GALNT18: variants seen among roughly 807,000 people sequenced by gnomAD.
GALNT18 encodes GalNAc-transferase 18.
A neutral mutation model predicts 69.5 loss-of-function variants in GALNT18; 44 were observed. The observed-to-expected ratio is 0.63, with a 90% CI of 0.50 to 0.81. The LOEUF (loss-of-function observed/expected upper bound fraction) is 0.81. GALNT18 is among the 40% of genes least tolerant of loss of function. The probability of loss-of-function intolerance (pLI) is 0.00; values close to 1 mark genes in which losing one functional copy is unlikely to be tolerated. For missense variants in GALNT18, 715 were observed against 810.0 expected, an observed-to-expected ratio of 0.88 and a Z score of 1.42; for synonymous variants, 364 against 318.2, an observed-to-expected ratio of 1.14 and a Z score of -1.53.
At chr11:11,508,938 C>T (rs923613964) in intron 1 of GALNT18, among the ~76,000 whole-genome samples, 1 of 152,180 alleles carries the variant, frequency 6.6e-6, no homozygotes, top group Non-Finnish European at 1.5e-5. Context: ...TCTTTGATGG[C>T]TCCCAAGAAC....
chr11:11,352,827 G>T, intron 6 of GALNT18: 1 of 1,614,198 alleles, frequency 6.2e-7, no homozygotes, highest in Non-Finnish European at 8.5e-7. Flanking sequence ...TACAATGTCT[G>T]CCAGTGTGAT....
intron 1 of GALNT18, among the ~76,000 whole-genome samples, chr11:11,557,338 A>G (rs955465397): frequency 4.6e-5 from 7 of 152,312 alleles, no homozygotes; most frequent in Admixed American, 2.0e-4. Context: ...AAACCCTACA[A>G]TTAGAGAGCT....
Position 11,584,034 on chromosome 11 carries a change from C to T in GALNT18, c.235+37325G>A, listed in dbSNP as rs1590118266. Among the ~76,000 whole-genome samples the T allele has an allele frequency of 6.6e-6, 1 of 152,072 alleles. No homozygotes were observed. The highest frequency in any genetic ancestry group is 2.4e-5 in the African/African-American group (1 of 41,488). The stretch of plus-strand genomic sequence containing the variant: ...ATTCGAAAAGGAATGGCATCATGAG[C>T]TGGGCTGGCTGGAGACAGATTTAAG... On this transcript the variant is annotated intron_variant, in intron 1 of 10. Coordinates refer to ENST00000227756, the MANE Select transcript of GALNT18 (RefSeq NM_198516.3). The surrounding 1 kb of genome is among the most constrained non-coding windows in gnomAD (Gnocchi z 4.1).
Position 11,381,382 on chromosome 11 carries a change from T to C in GALNT18, c.596-2118A>G, listed in dbSNP as rs1432659304. Among the ~76,000 whole-genome samples the C allele has an allele frequency of 3.9e-5, 6 of 152,260 alleles. No homozygotes were observed. The South Asian group carries it at 8.3e-4, about 21-fold the overall frequency. On this transcript the variant is annotated intron_variant, in intron 3 of 10. Transcript: ENST00000227756. ...TGATACAAATCCCCTCTCTTCCCCA[T>C]GAAAGGGATACCTGTCCCCTTCTCT...
chr11:11,550,179 G>T (rs920453721), intron 1 of GALNT18, among the ~76,000 whole-genome samples: 2 of 152,202 alleles, frequency 1.3e-5, no homozygotes, highest in African/African-American at 2.4e-5. Flanking sequence ...CAGAAAACAG[G>T]CACCAGTTGT....
chr11:11,350,049 T>C (rs1850371641), intron 6 of GALNT18, among the ~76,000 whole-genome samples: 1 of 152,194 alleles, frequency 6.6e-6, no homozygotes, highest in South Asian at 2.1e-4. Flanking sequence ...CCCTCATAAC[T>C]ATCAGAGGCA....
chr11:11,406,418 A>C (rs912729470), intron 3 of GALNT18, among the ~76,000 whole-genome samples: 4 of 152,358 alleles, frequency 2.6e-5, no homozygotes, highest in African/African-American at 7.2e-5. Flanking sequence ...AAAGGTTGAA[A>C]TATTCTGTCT....
At chr11:11,271,559 A>C (rs1185950079) in intron 10 of GALNT18, among the ~76,000 whole-genome samples, 1 of 133,582 alleles carries the variant, frequency 7.5e-6, no homozygotes, top group African/African-American at 2.7e-5. Flanking sequence ...CTGTCTACCT[A>C]GCTGGGCTGT....
At chr11:11,280,010 T>G (rs930243137) in intron 10 of GALNT18, among the ~76,000 whole-genome samples, 23 of 151,952 alleles carry the variant, frequency 1.5e-4, no homozygotes, top group Non-Finnish European at 3.1e-4. Context: ...TGTGTATGTG[T>G]GTGTTGGGAG....
rs1354101350 is a variant in GALNT18 at position 11,606,447 on chromosome 11, A to C, written c.235+14912T>G. Reference sequence around the variant, plus strand: ...TTAAACAGTGCTAAACATCTGGTACATGGCTGATAAATGTGAATTTTCTCT... The same window carrying C: ...TTAAACAGTGCTAAACATCTGGTACCTGGCTGATAAATGTGAATTTTCTCT... On this transcript the variant is annotated intron_variant, in intron 1 of 10. Coordinates refer to ENST00000227756, the MANE Select transcript of GALNT18 (RefSeq NM_198516.3). This position sits in a 1 kb window ranked among gnomAD's most constrained non-coding sequence, Gnocchi z 5.4. Among the ~76,000 whole-genome samples, 2 of 152,238 alleles carry C rather than the reference A, an allele frequency of 1.3e-5. No homozygotes were observed. Among genetic ancestry groups the C allele is most frequent in the Non-Finnish European group, 2.9e-5 (2 of 68,042 alleles).
At chr11:11,422,851 G>C (rs375439226) in intron 3 of GALNT18, among the ~76,000 whole-genome samples, 8 of 152,070 alleles carry the variant, frequency 5.3e-5, no homozygotes, top group African/African-American at 1.7e-4. Context: ...TCACTACATT[G>C]ACTTTCTTAC....
chr11:11,509,954 C>G (rs1857136146), intron 1 of GALNT18, among the ~76,000 whole-genome samples: 1 of 152,220 alleles, frequency 6.6e-6, no homozygotes, highest in Non-Finnish European at 1.5e-5. Flanking sequence ...CATCGGTGGT[C>G]ACATCCTCTG....
At position 11,592,977 on chromosome 11, in the gene GALNT18, G is replaced by A. The variant is rs113683875; in HGVS notation, c.235+28382C>T. On this transcript the variant is annotated intron_variant, in intron 1 of 10. Transcript: ENST00000227756. This position sits in a 1 kb window ranked among gnomAD's most constrained non-coding sequence, Gnocchi z 5.9. ...GTCTCCCAGGCTGGAGTGCAGTGGC[G>A]CAATCTCAGCTCACTGCAAGCTGCG... 1.5e-4 allele frequency among the ~76,000 whole-genome samples: 23 copies of A among 152,010 alleles called. No homozygotes were observed. The highest frequency in any genetic ancestry group is 5.3e-4 in the African/African-American group (22 of 41,376).
intron 3 of GALNT18, among the ~76,000 whole-genome samples, chr11:11,385,501 TAGCC>T (rs1854032369): frequency 6.6e-6 from 1 of 152,114 alleles, no homozygotes; most frequent in East Asian, 1.9e-4. Context: ...TTCACCATGT[TAGCC>T]AGGATGGTCT....
At position 11,522,831 on chromosome 11, in the gene GALNT18, G is replaced by A. The variant is rs576554567; in HGVS notation, c.236-73895C>T. ...GTGCCACTTGTTTCAGAAGTCTGGA[G>A]CACACATTTGCCACACAGACAGCAT... is the stretch of plus-strand genomic sequence containing the variant. On this transcript the variant is annotated intron_variant, in intron 1 of 10. Transcript: ENST00000227756. Among the ~76,000 whole-genome samples the A allele has an allele frequency of 1.3e-4, 20 of 152,220 alleles. 1 individual carries two copies. In the South Asian group the frequency reaches 4.0e-3, roughly 30 times the overall value.
chr11:11,400,318 C>T (rs1854431306), intron 3 of GALNT18, among the ~76,000 whole-genome samples: 1 of 152,192 alleles, frequency 6.6e-6, no homozygotes, highest in African/African-American at 2.4e-5. Flanking sequence ...GCCTTTGTTG[C>T]TTTAACCTGT....
chr11:11,488,089 TG>T (rs1856682070), intron 1 of GALNT18, among the ~76,000 whole-genome samples: 1 of 152,214 alleles, frequency 6.6e-6, no homozygotes, highest in Non-Finnish European at 1.5e-5. Context: ...ATAATAGCTG[TG>T]CCTATTTTAT....
intron 2 of GALNT18, among the ~76,000 whole-genome samples, chr11:11,446,868 T>A (rs1855665845): frequency 2.6e-5 from 4 of 152,212 alleles, no homozygotes; most frequent in Non-Finnish European, 5.9e-5. Context: ...GCCCTTCTCC[T>A]GGGATTCACC....
intron 10 of GALNT18, among the ~76,000 whole-genome samples, chr11:11,292,129 C>T (rs78340848): frequency 5.3e-5 from 8 of 152,162 alleles, no homozygotes; most frequent in Admixed American, 3.3e-4. Flanking sequence ...CCGAACTTCC[C>T]TGGGAGTGTC....
Sources: gnomAD v4.1 joint callset for allele counts (sites outside exome capture counted in the v4.1 genomes callset) on GRCh38, gnomAD v4.1.1 for gene constraint, Gnocchi (gnomAD v3.1) non-coding constraint, MANE v1.5 for transcripts, NCBI Gene and HGNC (gene_info 2026-07-23, HGNC 2026-07-21) for gene names.